Variants in INTS4 observed in about 807,000 individuals in gnomAD.
The protein encoded by INTS4 is integrator complex subunit 4, also known as MSTP093.
Under a neutral mutation model 119.5 loss-of-function variants are expected in INTS4, and 70 were observed. The ratio of observed to expected loss-of-function variants is 0.59; its 90% confidence interval spans 0.48 to 0.71. The LOEUF is 0.71. Ranked by LOEUF, INTS4 falls within the 30% of genes least tolerant of loss-of-function variation. The pLI, the probability that INTS4 is intolerant of heterozygous loss-of-function variation, is 0.00. For missense variants in INTS4, 867 were observed against 1,173.2 expected (o/e 0.74, Z 3.81); for synonymous variants, 316 against 419.6 (o/e 0.75, Z 3.02).
At chr11:77,890,149 A>C (rs547322958) in intron 21 of INTS4, among the ~76,000 whole-genome samples, 8 of 152,334 alleles carry the variant, frequency 5.3e-5, no homozygotes, top group South Asian at 4.1e-4. Flanking sequence ...AATGTGGAAA[A>C]AAACAAACAA....
intron 19 of INTS4, among the ~76,000 whole-genome samples, chr11:77,892,796 G>A (rs1952332874): frequency 6.6e-6 from 1 of 152,090 alleles, no homozygotes; most frequent in Admixed American, 6.5e-5. Context: ...TATTGGCCAG[G>A]CTGGTCTCGA....
At chr11:77,950,207 G>A (rs950833398) in intron 8 of INTS4, among the ~76,000 whole-genome samples, 34 of 152,214 alleles carry the variant, frequency 2.2e-4, no homozygotes, top group Non-Finnish European at 4.4e-4. Flanking sequence ...TCACACACCA[G>A]GGACTGTCAG....
chr11:77,891,305 C>T lies in INTS4; in HGVS notation c.2592+14G>A, dbSNP rs1021492652. ...TCAGTCTAGAAGCTCCATGAGGACC[C>T]AAACCCGACAGACCTGGACCTTAAC... On this transcript the variant is annotated intron_variant, in intron 21 of 22. Transcript: ENST00000534064. 6.2e-7 allele frequency: 1 copy of T among 1,608,006 alleles called. No individual in the cohort carries two copies. Among genetic ancestry groups the T allele is most frequent in the African/African-American group, 1.3e-5 (1 of 74,818 alleles).
intron 10 of INTS4, among the ~76,000 whole-genome samples, chr11:77,932,579 C>T (rs1174710886): frequency 6.6e-5 from 10 of 152,148 alleles, no homozygotes; most frequent in Non-Finnish European, 1.2e-4. Flanking sequence ...ACCAGAAATA[C>T]CATTTGACCC....
At chr11:77,946,760 CAAAAA>C (rs61192670) in intron 8 of INTS4, among the ~76,000 whole-genome samples, 1 of 101,500 alleles carries the variant, frequency 9.9e-6, no homozygotes. Flanking sequence ...GACCCTGTCT[CAAAAA>C]AAAAAAAAAG....
chr11:77,936,341 A>T (rs1235828649), intron 10 of INTS4, among the ~76,000 whole-genome samples: 4 of 152,212 alleles, frequency 2.6e-5, no homozygotes, highest in Admixed American at 6.5e-5. Flanking sequence ...GGAAAGATTA[A>T]GTATGTTAAG....
At chr11:77,981,014 G>A (rs969428830) in intron 3 of INTS4, among the ~76,000 whole-genome samples, 25 of 151,752 alleles carry the variant, frequency 1.6e-4, no homozygotes, top group African/African-American at 5.6e-4. Context: ...GTTTCTTGAT[G>A]GAACGAGTAC....
chr11:77,978,132 T>G (rs1287250693), intron 4 of INTS4: 1 of 152,122 alleles, frequency 6.6e-6, no homozygotes, highest in East Asian at 1.9e-4. Flanking sequence ...TGTCAAATGA[T>G]CCGCCCACCT....
chr11:77,891,235 A>G (rs1325947724), intron 21 of INTS4, 84 bp downstream of exon 21: 38 of 1,327,990 alleles, frequency 2.9e-5, no homozygotes, highest in Non-Finnish European at 3.9e-5. Context: ...CTGTCCCTCA[A>G]GTAGAGACTA....
intron 21 of INTS4, among the ~76,000 whole-genome samples, chr11:77,886,956 G>A (rs903798074): frequency 1.3e-5 from 2 of 151,798 alleles, no homozygotes; most frequent in Non-Finnish European, 2.9e-5. Context: ...GCAGTGTGTA[G>A]AGGGAAATTT....
intron 17 of INTS4, among the ~76,000 whole-genome samples, chr11:77,902,076 C>G (rs1033030919): frequency 2.0e-5 from 3 of 152,194 alleles, no homozygotes; most frequent in Admixed American, 6.5e-5. Context: ...TCGGTTCTAT[C>G]CAAATAAGCG....
intron 15 of INTS4, among the ~76,000 whole-genome samples, chr11:77,915,464 A>G (rs535525674): frequency 6.6e-6 from 1 of 152,234 alleles, no homozygotes; most frequent in African/African-American, 2.4e-5. Context: ...CACATGCTGC[A>G]CACTCTGGCT....
At chr11:77,985,530 T>A (rs952427956) in intron 2 of INTS4, among the ~76,000 whole-genome samples, 6 of 152,194 alleles carry the variant, frequency 3.9e-5, no homozygotes, top group Non-Finnish European at 7.3e-5. Flanking sequence ...CTGCTTCCAA[T>A]AATTAATCGC....
chr11:77,921,955 C>G (rs901287300), intron 13 of INTS4, among the ~76,000 whole-genome samples: 2 of 152,062 alleles, frequency 1.3e-5, no homozygotes, highest in Admixed American at 6.5e-5. Context: ...CATTTGAATC[C>G]GGGAGGCGGA....
At chr11:77,899,342 GAAAGAAAAA>G (rs1250896473) in intron 18 of INTS4, among the ~76,000 whole-genome samples, 3 of 150,576 alleles carry the variant, frequency 2.0e-5, no homozygotes, top group Non-Finnish European at 4.4e-5. Context: ...CAAAACCTAA[GAAAGAAAAA>G]AAAGAAAAAA....
At position 77,891,439 on chromosome 11, in the gene INTS4, G is replaced by A. The variant is rs1952260129; in HGVS notation, c.2472C>T (p.Ile824=). ...PEQIHKASAT[I]IEPAGESDNP... ...TGTCTGACTCGCCCGCTGGCTCGAT[G>A]ATGGTGGCTGAGGCTTTGTGGATCT... The change falls in exon 21 of 23, where the codon ATC becomes ATT. Residue 824 remains isoleucine (I), a synonymous_variant. Transcript: ENST00000534064. 6.2e-7 allele frequency: 1 copy of A among 1,613,750 alleles called. No individual in the cohort carries two copies.
chr11:77,883,075 A>AAATAATAATAATAATAATAATAAT (rs10687244), intron 22 of INTS4, among the ~76,000 whole-genome samples: 8 of 148,268 alleles, frequency 5.4e-5, no homozygotes, highest in African/African-American at 2.0e-4. Flanking sequence ...CTCCGTCTCA[A>AAATAATAATAATAATAATAATAAT]AATAATAATA....
chr11:77,908,508 T>C (rs779851716), intron 15 of INTS4, among the ~76,000 whole-genome samples: 4 of 152,092 alleles, frequency 2.6e-5, no homozygotes, highest in Non-Finnish European at 5.9e-5. Flanking sequence ...TTTGTATTTT[T>C]AGTAGAGACA....
chr11:77,882,915 C>CA (rs1409990539), intron 22 of INTS4, among the ~76,000 whole-genome samples: 2 of 151,858 alleles, frequency 1.3e-5, no homozygotes, highest in Non-Finnish European at 2.9e-5. Context: ...TACTAAAATA[C>CA]AAAAAAATTA....
Sources: gnomAD v4.1 joint callset for allele counts (sites outside exome capture counted in the v4.1 genomes callset) on GRCh38, gnomAD v4.1.1 for gene constraint, MANE v1.5 for transcripts, NCBI Gene and HGNC (gene_info 2026-07-23, HGNC 2026-07-21) for gene names.